TPO: variants seen among roughly 807,000 people sequenced by gnomAD.
The protein encoded by TPO is thyroid peroxidase.
TPO carries 78 observed loss-of-function variants against 96.9 expected under a neutral mutation model. That is an observed-to-expected ratio of 0.81 (90% confidence interval 0.67 to 0.97). The LOEUF (loss-of-function observed/expected upper bound fraction) is 0.97. TPO is among the 50% of genes least tolerant of loss of function. The pLI, the probability that TPO is intolerant of heterozygous loss-of-function variation, is 0.00. For missense variants in TPO, 1,252 were observed against 1,274.8 expected, an observed-to-expected ratio of 0.98 and a Z score of 0.27; for synonymous variants, 547 against 538.0, an observed-to-expected ratio of 1.02 and a Z score of -0.23.
Position 1,378,458 on chromosome 2 carries a change from A to G in TPO, n.180+4056A>G, listed in dbSNP as rs114763997. Reference sequence around the variant, plus strand: ...GCCTGAAACATTCACTGCCCCTTCAAATGTGCCTGTTACCGATGGCTCAGA... The same window carrying G: ...GCCTGAAACATTCACTGCCCCTTCAGATGTGCCTGTTACCGATGGCTCAGA... On this transcript the variant is annotated intron_variant and non_coding_transcript_variant, in intron 1 of 5. Coordinates refer to the TPO transcript ENST00000497517. Among the ~76,000 whole-genome samples, 589 of 152,328 alleles carry G rather than the reference A, an allele frequency of 3.9e-3. 7 individuals carry two copies. Among genetic ancestry groups the G allele is most frequent in the African/African-American group, 0.014 (564 of 41,580 alleles).
At chr2:1,477,930 G>A (rs1261670870) in intron 8 of TPO, 2 of 985,122 alleles carry the variant, frequency 2.0e-6, no homozygotes, top group Non-Finnish European at 1.2e-6. Context: ...AACAACCACA[G>A]CCCCACAACA....
chr2:1,404,797 C>T, intron 1 of TPO, among the ~76,000 whole-genome samples: 1 of 152,178 alleles, frequency 6.6e-6, no homozygotes, highest in South Asian at 2.1e-4. Context: ...AAGGCTGCAG[C>T]ATTGGTTTTC....
intron 15 of TPO, among the ~76,000 whole-genome samples, chr2:1,539,397 C>G (rs1680460879): frequency 6.6e-6 from 1 of 152,182 alleles, no homozygotes; most frequent in South Asian, 2.1e-4. Flanking sequence ...CCCAGCCCCC[C>G]TCGGTGATCA....
chr2:1,490,661 A>G (rs998200213), intron 10 of TPO, among the ~76,000 whole-genome samples: 1 of 152,202 alleles, frequency 6.6e-6, no homozygotes, highest in Non-Finnish European at 1.5e-5. Flanking sequence ...CAACTTCCCC[A>G]GGTCTGAATT....
intron 6 of TPO, among the ~76,000 whole-genome samples, chr2:1,455,639 G>A (rs1376820779): frequency 2.0e-5 from 3 of 152,280 alleles, no homozygotes; most frequent in East Asian, 1.9e-4. Context: ...CCCAACCCAC[G>A]TTGAAATCCA....
At chr2:1,461,905 C>T (rs962322629) in intron 7 of TPO, among the ~76,000 whole-genome samples, 18 of 152,158 alleles carry the variant, frequency 1.2e-4, no homozygotes, top group Admixed American at 1.2e-3. Flanking sequence ...CCCGTGGAGA[C>T]CCCCGCAGAG....
At chr2:1,500,025 A>T (rs1470661837) in intron 13 of TPO, among the ~76,000 whole-genome samples, 1 of 152,230 alleles carries the variant, frequency 6.6e-6, no homozygotes, top group Non-Finnish European at 1.5e-5. Context: ...GAACAATTAC[A>T]CTACACAGTT....
At chr2:1,495,917 A>G (rs1220371832) in intron 11 of TPO, 72 bp from the exon 12 acceptor site, 12 of 1,509,112 alleles carry the variant, frequency 8.0e-6, no homozygotes, top group Non-Finnish European at 1.1e-5. Flanking sequence ...AGCTGTGGGC[A>G]GCTGGTCTTG....
At chr2:1,410,751 C>T (rs529164094), upstream of TPO, among the ~76,000 whole-genome samples, 1 of 151,948 alleles carries the variant, frequency 6.6e-6, no homozygotes, top group East Asian at 1.9e-4. Context: ...CCCCATCCTG[C>T]CATGTGTGAG....
chr2:1,473,783 T>C (rs1186677141), intron 7 of TPO, among the ~76,000 whole-genome samples: 1 of 152,088 alleles, frequency 6.6e-6, no homozygotes, highest in Non-Finnish European at 1.5e-5. Context: ...GATTTTTTTT[T>C]CTCCATTACC....
At chr2:1,445,551 T>C (rs1206333834) in intron 5 of TPO, among the ~76,000 whole-genome samples, 14 of 136,412 alleles carry the variant, frequency 1.0e-4, no homozygotes, top group Non-Finnish European at 1.1e-4. Flanking sequence ...GGAGGTACCA[T>C]GTTGGAAGGG....
At chr2:1,521,046 AT>A (rs1352672876) in intron 15 of TPO, among the ~76,000 whole-genome samples, 1 of 152,004 alleles carries the variant, frequency 6.6e-6, no homozygotes, top group Non-Finnish European at 1.5e-5. Context: ...CTGAAATACA[AT>A]TTTTCAGGTT....
At chr2:1,402,171 G>A (rs1662182472) in intron 1 of TPO, among the ~76,000 whole-genome samples, 1 of 152,242 alleles carries the variant, frequency 6.6e-6, no homozygotes, top group South Asian at 2.1e-4. Context: ...CCTAACCAAT[G>A]CCTCAGATGC....
rs559657491 is a variant in TPO at position 1,443,631 on chromosome 2, G to A, written c.482+7247G>A. 2.3e-4 allele frequency among the ~76,000 whole-genome samples: 32 copies of A among 140,374 alleles called. No homozygotes were observed. The South Asian group carries it at 3.6e-3, about 16-fold the overall frequency. 92.1% of individuals were successfully genotyped at this position (140,374 alleles called of 152,430 possible). ...AGGAGGTACCATGTTGGAAGGGAAC[G>A]GGGCAGGCTCGTTCTTGTTTGTATG... is the stretch of plus-strand genomic sequence containing the variant. On this transcript the variant is annotated intron_variant, in intron 5 of 16. Transcript: ENST00000329066.
chr2:1,422,298 C>T (rs1258006031), intron 2 of TPO, among the ~76,000 whole-genome samples: 1 of 60,918 alleles, frequency 1.6e-5, no homozygotes, highest in African/African-American at 7.7e-5. Context: ...GAAGACCCCG[C>T]AGGCGCCTCT....
intron 14 of TPO, among the ~76,000 whole-genome samples, chr2:1,508,690 T>C (rs537542599): frequency 6.6e-5 from 10 of 152,358 alleles, no homozygotes; most frequent in Admixed American, 3.9e-4. Flanking sequence ...TTTATAGTAT[T>C]CTCTGATGGT....
intron 15 of TPO, among the ~76,000 whole-genome samples, chr2:1,517,535 C>T (rs1396070114): frequency 6.6e-6 from 1 of 151,968 alleles, no homozygotes; most frequent in Non-Finnish European, 1.5e-5. Context: ...GTCCCTAGCC[C>T]TGAGGAACCG....
At chr2:1,389,500 C>T (rs1661963108) in intron 1 of TPO, among the ~76,000 whole-genome samples, 1 of 152,074 alleles carries the variant, frequency 6.6e-6, no homozygotes, top group Non-Finnish European at 1.5e-5. Flanking sequence ...GGAAAAATAA[C>T]ACTACTTTCC....
intron 12 of TPO, among the ~76,000 whole-genome samples, 158 bp downstream of exon 12, chr2:1,496,355 CG>C (rs1454919437): frequency 7.1e-6 from 1 of 140,728 alleles, no homozygotes; most frequent in Non-Finnish European, 1.6e-5. Context: ...CGGGGCGGGG[CG>C]GGGCGGGGCC....
Sources: gnomAD v4.1 joint callset for allele counts (sites outside exome capture counted in the v4.1 genomes callset) on GRCh38, gnomAD v4.1.1 for gene constraint, MANE v1.5 for transcripts, NCBI Gene and HGNC (gene_info 2026-07-23, HGNC 2026-07-21) for gene names.